Variants in ASXL1 observed in about 807,000 individuals in gnomAD.
The protein encoded by ASXL1 is ASXL transcriptional regulator 1, also known as polycomb group protein ASXL1.
Under a neutral mutation model 89.1 loss-of-function variants are expected in ASXL1, and 65 were observed. The ratio of observed to expected loss-of-function variants is 0.73; its 90% CI spans 0.60 to 0.90. The LOEUF (loss-of-function observed/expected upper bound fraction) is 0.90. Ranked by LOEUF, ASXL1 falls within the 40% of genes least tolerant of loss-of-function variation. ASXL1 has a pLI of 0.00. For missense variants in ASXL1, 1,786 were observed against 1,942.9 expected (o/e 0.92, Z 1.52); for synonymous variants, 739 against 746.9 (o/e 0.99, Z 0.17).
intron 4 of ASXL1, among the ~76,000 whole-genome samples, chr20:32,398,599 GTTTGTTTTTTTT>G (rs1446807204): frequency 8.7e-4 from 72 of 82,866 alleles, no homozygotes; most frequent in Middle Eastern, 0.014. Context: ...TGTTTTTTTT[GTTTGTTTTTTTT>G]TTTGTTTTTT....
Position 32,436,108 on chromosome 20 carries a change from A to T in ASXL1, c.3396A>T (p.Glu1132Asp). ...CAGCCCACGATGACAGCATGTCAGA[A>T]TCCCCACAAGTACCACTTACAAAAG... ...LPPAHDDSMS[E>D]SPQVPLTKDQ... Residue 1132 changes from glutamate (E) to aspartate (D), a missense_variant, in exon 13 of 13, where the codon GAA becomes GAT. Glu to Asp is a conservative substitution (Grantham distance 45). Around this residue, in one of 3 missense-constraint regions of ASXL1, gnomAD observed 1,418 missense variants for 1,427.8 expected, o/e 0.99. Transcript: ENST00000375687. 6.2e-7 allele frequency: 1 copy of T among 1,614,194 alleles called. No homozygotes were observed. Among genetic ancestry groups the T allele is most frequent in the Non-Finnish European group, 8.5e-7 (1 of 1,180,044 alleles).
At chr20:32,372,824 A>T (rs113602376) in intron 4 of ASXL1, among the ~76,000 whole-genome samples, 1,545 of 150,498 alleles carry the variant, frequency 0.01, 20 homozygotes, top group African/African-American at 0.036. Context: ...TGAACTCTTG[A>T]CCTCGTGATC....
At chr20:32,410,891 C>T (rs1318801331) in intron 4 of ASXL1, among the ~76,000 whole-genome samples, 2 of 151,832 alleles carry the variant, frequency 1.3e-5, no homozygotes, top group Non-Finnish European at 2.9e-5. Context: ...ATTAGCTGGA[C>T]ATGATGGCGC....
chr20:32,425,983 G>A (rs1017311740), intron 4 of ASXL1, among the ~76,000 whole-genome samples: 21 of 152,228 alleles, frequency 1.4e-4, no homozygotes, highest in Non-Finnish European at 2.5e-4. Flanking sequence ...GGGATTACAG[G>A]TGCAAGCCAC....
intron 4 of ASXL1, among the ~76,000 whole-genome samples, chr20:32,386,973 A>G (rs1032511810): frequency 1.3e-5 from 2 of 151,888 alleles, no homozygotes; most frequent in African/African-American, 4.8e-5. Context: ...GTTTGTTCTG[A>G]TACTGTCAGT....
At chr20:32,361,001 C>G (rs1217154922) in intron 1 of ASXL1, among the ~76,000 whole-genome samples, 2 of 152,166 alleles carry the variant, frequency 1.3e-5, no homozygotes, top group Non-Finnish European at 2.9e-5. Flanking sequence ...CCCACCTTGG[C>G]CTCCCAAAGT....
rs2123223320 is a variant in ASXL1 at position 32,429,949 on chromosome 20, G to A, written c.614G>A (p.Ser205Asn). Residue 205 changes from serine to asparagine, a missense_variant, in exon 8 of 13, where the codon AGC becomes AAC. Ser to Asn is a conservative substitution (Grantham distance 46). Around this residue, in one of 3 missense-constraint regions of ASXL1, gnomAD observed 332 missense variants for 449.7 expected, o/e 0.74. Coordinates refer to ENST00000375687, the MANE Select transcript of ASXL1 (RefSeq NM_015338.6). This position sits in a 1 kb window ranked among gnomAD's most constrained non-coding sequence, Gnocchi z 4.9. ...ADGESGSPSS[S>N]SSGSLALGSA... ...GGCGAGAGCGGCAGCCCGTCCAGCA[G>A]CAGCAGCGGCTCTCTGGCCCTGGGC... 1 of 1,608,760 alleles carries A rather than the reference G, an allele frequency of 6.2e-7. No individual in the cohort carries two copies. Among genetic ancestry groups the A allele is most frequent in the Non-Finnish European group, 8.5e-7 (1 of 1,179,640 alleles).
In ASXL1 at chr20:32,358,479, C is replaced by A; in HGVS notation, c.-297C>A. 4.3e-6 allele frequency: 1 copy of A among 231,218 alleles called. No individual in the cohort carries two copies. The highest frequency in any genetic ancestry group is 1.8e-4 in the South Asian group (1 of 5,648). 14.3% of individuals were successfully genotyped at this position (231,218 alleles called of 1,614,324 possible). On this transcript the variant is annotated 5_prime_UTR_variant, in exon 1 of 13. Transcript: ENST00000375687. ...AGGCCGGAGCCGTGACCTCTGACCC[C>A]GTGGTTATGCGGAGCCGCCGCATTC...
intron 1 of ASXL1, among the ~76,000 whole-genome samples, chr20:32,361,008 A>G (rs960297800): frequency 6.6e-6 from 1 of 152,058 alleles, no homozygotes; most frequent in Non-Finnish European, 1.5e-5. Flanking sequence ...TGGCCTCCCA[A>G]AGTGCTGGGA....
intron 4 of ASXL1, among the ~76,000 whole-genome samples, chr20:32,373,250 G>T (rs1384016058): frequency 6.6e-6 from 1 of 151,846 alleles, no homozygotes; most frequent in Non-Finnish European, 1.5e-5. Context: ...GGTTGTGCAC[G>T]CCTGTAATCC....
chr20:32,426,554 C>CTTT (rs1177815042), intron 4 of ASXL1, among the ~76,000 whole-genome samples: 88 of 83,902 alleles, frequency 1.0e-3, no homozygotes, highest in East Asian at 1.9e-3. Flanking sequence ...TTTTTTCTTT[C>CTTT]TTTTTTTTTT....
Position 32,429,483 on chromosome 20 carries a change from G to C in ASXL1, c.565+52G>C, listed in dbSNP as rs771261183. The C allele has an allele frequency of 6.4e-7, 1 of 1,563,450 alleles. No individual in the cohort carries two copies. The highest frequency in any genetic ancestry group is 8.8e-7 in the Non-Finnish European group (1 of 1,134,516). ...CTTTTTCCTCAGGTCCTGGGGACCTGGCCTCCCTCTGTCAGCAGTTTCTGA... is the reference window on the plus strand; with the variant it reads ...CTTTTTCCTCAGGTCCTGGGGACCTCGCCTCCCTCTGTCAGCAGTTTCTGA... On this transcript the variant is annotated intron_variant, in intron 7 of 12. Coordinates refer to ENST00000375687, the MANE Select transcript of ASXL1 (RefSeq NM_015338.6). The surrounding 1 kb of genome is among the most constrained non-coding windows in gnomAD (Gnocchi z 4.9).
At chr20:32,430,677 C>T (rs139401119) in intron 8 of ASXL1, 36 of 230,358 alleles carry the variant, frequency 1.6e-4, no homozygotes, top group African/African-American at 7.1e-4. Context: ...CAAGCTTTTG[C>T]TTCTGAGAAT....
At chr20:32,363,823 A>C (rs1883430417) in intron 1 of ASXL1, among the ~76,000 whole-genome samples, 1 of 152,100 alleles carries the variant, frequency 6.6e-6, no homozygotes. Flanking sequence ...GGTGAGAGGG[A>C]GTGTGTGTAT....
At chr20:32,428,574 G>A (rs1366970538) in intron 6 of ASXL1, 152 bp downstream of exon 6, 18 of 729,718 alleles carry the variant, frequency 2.5e-5, no homozygotes, top group East Asian at 8.5e-5. Flanking sequence ...ACAGGGGGCC[G>A]CAGGAAAAGT....
At chr20:32,433,011 TG>T in intron 11 of ASXL1, 26 bp downstream of exon 11, 1 of 1,612,282 alleles carries the variant, frequency 6.2e-7, no homozygotes, top group Non-Finnish European at 8.5e-7. Context: ...CTATGAGTCC[TG>T]GTCTGGGGTT....
chr20:32,370,706 T>A (rs887376047), intron 4 of ASXL1, among the ~76,000 whole-genome samples: 2 of 152,184 alleles, frequency 1.3e-5, no homozygotes, highest in African/African-American at 2.4e-5. Context: ...TAAAACTTGG[T>A]CTTTATATAT....
chr20:32,377,216 C>T (rs538668590), intron 4 of ASXL1, among the ~76,000 whole-genome samples: 6 of 143,458 alleles, frequency 4.2e-5, no homozygotes, highest in Non-Finnish European at 9.0e-5. Context: ...TATCACCTGA[C>T]GTCAGGTGAT....
chr20:32,359,155 C>T lies in ASXL1; in HGVS notation c.57+323C>T, dbSNP rs2048066395. ...CCCCTCCCCCACTATTTGGCAGCGT[C>T]TGGGGGTCTGGGGCAGCTTCGTTCA... is the stretch of plus-strand genomic sequence containing the variant. On this transcript the variant is annotated intron_variant, in intron 1 of 12. Coordinates refer to ENST00000375687, the MANE Select transcript of ASXL1 (RefSeq NM_015338.6). 11 of 660,098 alleles carry T rather than the reference C, an allele frequency of 1.7e-5. No homozygotes were observed. In the East Asian group the frequency reaches 3.0e-4, roughly 18 times the overall value. The allele number at this position is 660,098 out of a possible 1,614,324, so 40.9% of individuals were successfully genotyped here. A position where few individuals can be genotyped will look rare whatever the true frequency, so the allele number is the denominator to read the frequency against.
Sources: allele counts gnomAD v4.1 joint callset (sites outside exome capture counted in the v4.1 genomes callset), GRCh38; gene constraint gnomAD v4.1.1; regional missense constraint gnomAD v4.1.1; non-coding constraint Gnocchi (gnomAD v3.1); transcripts MANE v1.5; gene names NCBI Gene and HGNC (gene_info 2026-07-23, HGNC 2026-07-21).